NCALD: variants seen among roughly 807,000 people sequenced by gnomAD.
NCALD encodes the protein neurocalcin delta.
Under a neutral mutation model 18.6 loss-of-function variants are expected in NCALD, and 10 were observed. The ratio of observed to expected loss-of-function variants is 0.54; its 90% CI spans 0.33 to 0.91. The LOEUF (loss-of-function observed/expected upper bound fraction) is 0.91, where lower values mean the gene tolerates loss of function less well. Ranked by LOEUF, NCALD falls within the 40% of genes least tolerant of loss-of-function variation. The pLI is 0.03. For synonymous variants in NCALD, 88 were observed against 87.4 expected (o/e 1.01, Z -0.04); for missense variants, 184 against 247.6 (o/e 0.74, Z 1.72).
At chr8:102,008,165 C>T (rs1010792498) in intron 2 of NCALD, among the ~76,000 whole-genome samples, 3 of 152,126 alleles carry the variant, frequency 2.0e-5, no homozygotes, top group Non-Finnish European at 2.9e-5. Flanking sequence ...ATGTGCTGGC[C>T]ATTATTCTAG....
intron 1 of NCALD, among the ~76,000 whole-genome samples, chr8:102,066,538 C>T (rs1824014072): frequency 6.6e-6 from 1 of 152,180 alleles, no homozygotes; most frequent in Admixed American, 6.5e-5. Flanking sequence ...ATTCATGACA[C>T]AAATAGCTAT....
intron 4 of NCALD, among the ~76,000 whole-genome samples, chr8:101,864,609 T>C (rs545763645): frequency 2.7e-3 from 409 of 151,458 alleles, no homozygotes; most frequent in African/African-American, 7.6e-3. Context: ...TTTTTTTTTT[T>C]CTGAGACGGA....
chr8:101,692,176 A>G (rs2129960971), intron 3 of NCALD: 1 of 985,422 alleles, frequency 1.0e-6, no homozygotes, highest in Middle Eastern at 5.2e-4. Context: ...TCTGTTCTTA[A>G]GTTGGAAATG....
At chr8:101,804,617 ATATATAATTAATATAATTAACTAT>A (rs2131103150) in intron 4 of NCALD, among the ~76,000 whole-genome samples, 1 of 134,884 alleles carries the variant, frequency 7.4e-6, no homozygotes, top group African/African-American at 2.8e-5. Context: ...TAATTATATA[ATATATAATTAATATAATTAACTAT>A]TATATATTAG....
intron 1 of NCALD, among the ~76,000 whole-genome samples, chr8:102,060,050 A>C (rs760724662): frequency 1.3e-5 from 2 of 152,058 alleles, no homozygotes; most frequent in East Asian, 1.9e-4. Flanking sequence ...GTGCAATCTC[A>C]GCTCACTGCA....
intron 2 of NCALD, among the ~76,000 whole-genome samples, chr8:101,982,642 G>A (rs1471873263): frequency 2.6e-5 from 4 of 151,918 alleles, no homozygotes; most frequent in African/African-American, 7.3e-5. Context: ...AGATCGAGAC[G>A]ATCCTGGCTA....
chr8:101,856,092 G>T (rs1415682055), intron 4 of NCALD, among the ~76,000 whole-genome samples: 13 of 152,138 alleles, frequency 8.5e-5, no homozygotes, highest in Non-Finnish European at 1.9e-4. Flanking sequence ...TGAAGAATGG[G>T]ATCTAAGCCC....
intron 1 of NCALD, among the ~76,000 whole-genome samples, chr8:101,787,555 T>A (rs748953916): frequency 6.6e-6 from 1 of 152,138 alleles, no homozygotes; most frequent in Non-Finnish European, 1.5e-5. Context: ...AGTTACGCTG[T>A]TGGTTTGGAG....
chr8:101,734,898 C>T (rs1383766236), intron 1 of NCALD, among the ~76,000 whole-genome samples: 3 of 152,190 alleles, frequency 2.0e-5, no homozygotes, highest in Non-Finnish European at 4.4e-5. Flanking sequence ...AGATTATCTG[C>T]ATTGTGAGTT....
intron 1 of NCALD, among the ~76,000 whole-genome samples, chr8:102,114,930 G>A (rs1438254686): frequency 6.6e-6 from 1 of 152,160 alleles, no homozygotes; most frequent in Non-Finnish European, 1.5e-5. Flanking sequence ...TGGGAGTTAA[G>A]GTGCCAGGTA....
chr8:101,868,903 G>T (rs1031165498), intron 4 of NCALD, among the ~76,000 whole-genome samples: 1 of 152,158 alleles, frequency 6.6e-6, no homozygotes, highest in African/African-American at 2.4e-5. Context: ...GCTTTGCTGT[G>T]TATTTTGTCT....
At chr8:102,076,586 C>T (rs1450800531) in intron 1 of NCALD, among the ~76,000 whole-genome samples, 3 of 151,668 alleles carry the variant, frequency 2.0e-5, no homozygotes, top group Non-Finnish European at 2.9e-5. Context: ...CAAAATGACT[C>T]TCCAGAGAGA....
chr8:101,989,451 T>C (rs1355650598), intron 2 of NCALD, among the ~76,000 whole-genome samples: 6 of 152,168 alleles, frequency 3.9e-5, no homozygotes, highest in Non-Finnish European at 5.9e-5. Context: ...TTAAAAAAAT[T>C]GGAAATAACC....
chr8:101,731,127 G>A (rs1227606342), intron 1 of NCALD, among the ~76,000 whole-genome samples: 1 of 152,114 alleles, frequency 6.6e-6, no homozygotes, highest in Non-Finnish European at 1.5e-5. Flanking sequence ...GACTCTTTCA[G>A]GAGTGAAAAC....
chr8:101,737,691 C>T (rs1215217992), intron 1 of NCALD, among the ~76,000 whole-genome samples: 1 of 152,212 alleles, frequency 6.6e-6, no homozygotes, highest in African/African-American at 2.4e-5. Flanking sequence ...CTCTCTCCTT[C>T]TCCTTGGAGT....
chr8:101,928,456 T>C (rs58133251), intron 2 of NCALD, among the ~76,000 whole-genome samples: 1,751 of 152,266 alleles, frequency 0.011, 21 homozygotes, highest in Middle Eastern at 0.037. Flanking sequence ...CTTTGGATGA[T>C]AATTTTTCAA....
chr8:101,731,684 C>T (rs1563707523), intron 1 of NCALD, among the ~76,000 whole-genome samples: 1 of 152,100 alleles, frequency 6.6e-6, no homozygotes, highest in Non-Finnish European at 1.5e-5. Context: ...CATATTTTAC[C>T]TCAACAGCAC....
At chr8:101,833,237 T>G (rs1215459570) in intron 4 of NCALD, among the ~76,000 whole-genome samples, 1 of 152,190 alleles carries the variant, frequency 6.6e-6, no homozygotes, top group Non-Finnish European at 1.5e-5. Flanking sequence ...TCTTATTCAA[T>G]AGATTTTGGG....
intron 1 of NCALD, among the ~76,000 whole-genome samples, chr8:101,743,912 G>C (rs928246604): frequency 1.3e-5 from 2 of 152,174 alleles, no homozygotes; most frequent in African/African-American, 4.8e-5. Context: ...TCGGGCCAAG[G>C]CTCGGCTGGG....
Sources: allele counts gnomAD v4.1 joint callset (sites outside exome capture counted in the v4.1 genomes callset), GRCh38; gene constraint gnomAD v4.1.1; transcripts MANE v1.5; gene names NCBI Gene and HGNC (gene_info 2026-07-23, HGNC 2026-07-21).